Variants in UTS2 observed in about 807,000 individuals in gnomAD.
UTS2 encodes urotensin 2, also known as urotensin-2.
UTS2 carries 10 observed loss-of-function variants against 12.6 expected under a neutral mutation model. The observed-to-expected ratio is 0.80, with a 90% CI of 0.49 to 1.35. The LOEUF is 1.35. Among genes scored for constraint, UTS2 ranks in the 40% most tolerant of loss-of-function variants. The pLI, the probability that UTS2 is intolerant of heterozygous loss-of-function variation, is 0.00. For synonymous variants in UTS2, 52 were observed against 50.0 expected (o/e 1.04, Z -0.17); for missense variants, 142 against 143.2 (o/e 0.99, Z 0.04).
the UTS2 span, among the ~76,000 whole-genome samples, chr1:7,877,222 A>G: frequency 3.9e-5 from 6 of 152,020 alleles, no homozygotes; most frequent in Non-Finnish European, 8.8e-5. Flanking sequence ...AAGGAACACA[A>G]TAATTCTCCA....
chr1:7,912,726 C>A, the UTS2 span, among the ~76,000 whole-genome samples: 1 of 151,980 alleles, frequency 6.6e-6, no homozygotes, highest in African/African-American at 2.4e-5. Flanking sequence ...ACCTCATGTG[C>A]CCTCCACTGG....
At chr1:7,912,785 C>G in the UTS2 span, among the ~76,000 whole-genome samples, 1 of 152,086 alleles carries the variant, frequency 6.6e-6, no homozygotes, top group Non-Finnish European at 1.5e-5. Flanking sequence ...TCCTCCCTCC[C>G]CAAGCTCCAT....
At chr1:7,877,034 G>A in the UTS2 span, among the ~76,000 whole-genome samples, 1 of 150,140 alleles carries the variant, frequency 6.7e-6, no homozygotes, top group Non-Finnish European at 1.5e-5. Flanking sequence ...GGAGGCTGAG[G>A]CAGGAGAATT....
chr1:7,892,539 G>A, the UTS2 span, among the ~76,000 whole-genome samples: 4 of 139,246 alleles, frequency 2.9e-5, no homozygotes, highest in East Asian at 6.6e-4. Context: ...GTGCAGTGGC[G>A]CAATCTCAGC....
the UTS2 span, among the ~76,000 whole-genome samples, chr1:7,898,804 C>A: frequency 1.3e-5 from 2 of 152,040 alleles, no homozygotes; most frequent in Non-Finnish European, 2.9e-5. Flanking sequence ...AACCTAGATA[C>A]TTTCATCAGT....
At chr1:7,852,861 C>T (rs775628326) in intron 1 of UTS2, 40 bp downstream of exon 1, 1 of 1,577,404 alleles carries the variant, frequency 6.3e-7, no homozygotes, top group Non-Finnish European at 8.6e-7. Context: ...CTAGTAAAGG[C>T]TCTTTCAAGA....
the UTS2 span, among the ~76,000 whole-genome samples, chr1:7,892,652 T>A: frequency 6.6e-6 from 1 of 151,732 alleles, no homozygotes; most frequent in Admixed American, 6.6e-5. Context: ...CTAAGTTTTG[T>A]ATTTTTAGTA....
intron 3 of UTS2, among the ~76,000 whole-genome samples, chr1:7,848,493 A>G (rs1359592475): frequency 7.0e-6 from 1 of 142,194 alleles, no homozygotes; most frequent in Admixed American, 7.6e-5. Flanking sequence ...TCTTCTGTGT[A>G]TTGTATGTAT....
the UTS2 span, among the ~76,000 whole-genome samples, chr1:7,893,102 A>G: frequency 6.6e-6 from 1 of 152,308 alleles, no homozygotes; most frequent in South Asian, 2.1e-4. Context: ...ATAAAGTGAT[A>G]ATGAATGTTA....
chr1:7,903,642 G>A, the UTS2 span, among the ~76,000 whole-genome samples: 2 of 147,450 alleles, frequency 1.4e-5, no homozygotes, highest in African/African-American at 2.5e-5. Flanking sequence ...CTCCCACGTC[G>A]GCCTCTCAAA....
At chr1:7,876,947 T>C in the UTS2 span, among the ~76,000 whole-genome samples, 6 of 151,506 alleles carry the variant, frequency 4.0e-5, no homozygotes, top group African/African-American at 1.5e-4. Flanking sequence ...CTGGCCAACA[T>C]GGTGAAACTC....
At chr1:7,894,283 A>G in the UTS2 span, among the ~76,000 whole-genome samples, 1 of 151,736 alleles carries the variant, frequency 6.6e-6, no homozygotes, top group East Asian at 1.9e-4. Flanking sequence ...CCCAGGCTCA[A>G]GTGATGCTCC....
the UTS2 span, among the ~76,000 whole-genome samples, chr1:7,874,138 G>A: frequency 6.6e-6 from 1 of 152,122 alleles, no homozygotes; most frequent in Admixed American, 6.6e-5. Flanking sequence ...GCCCAGCCAG[G>A]ATCAGCTCAG....
chr1:7,897,327 G>C, the UTS2 span, among the ~76,000 whole-genome samples: 2 of 152,080 alleles, frequency 1.3e-5, no homozygotes, highest in Admixed American at 6.6e-5. Context: ...ATCTGGTAGG[G>C]AAAGTCCCTG....
the UTS2 span, among the ~76,000 whole-genome samples, chr1:7,886,045 T>TG: frequency 6.6e-6 from 1 of 152,088 alleles, no homozygotes; most frequent in Non-Finnish European, 1.5e-5. Context: ...ACCGCACCTG[T>TG]TCCCAGGTGT....
the UTS2 span, among the ~76,000 whole-genome samples, chr1:7,869,926 G>A: frequency 0.02 from 3,108 of 152,270 alleles, 89 homozygotes; most frequent in African/African-American, 0.071. Context: ...AACATTAATT[G>A]CTGCTGAGAG....
upstream of UTS2, among the ~76,000 whole-genome samples, chr1:7,855,511 G>C (rs1274158045): frequency 6.6e-6 from 1 of 152,102 alleles, no homozygotes; most frequent in African/African-American, 2.4e-5. Context: ...TTCAACCTGG[G>C]AGTCGGAGGT....
At chr1:7,899,799 G>C in the UTS2 span, among the ~76,000 whole-genome samples, 3 of 152,206 alleles carry the variant, frequency 2.0e-5, no homozygotes, top group Non-Finnish European at 4.4e-5. Context: ...GAGTCCAGGA[G>C]TGGCTGAGCT....
the UTS2 span, among the ~76,000 whole-genome samples, chr1:7,885,899 G>C: frequency 4.6e-3 from 425 of 92,614 alleles, 3 homozygotes; most frequent in African/African-American, 0.019. Flanking sequence ...TGGTGGTGGG[G>C]GGGTGGGGTG....
Sources: allele counts gnomAD v4.1 joint callset (sites outside exome capture counted in the v4.1 genomes callset), GRCh38; gene constraint gnomAD v4.1.1; transcripts MANE v1.5; gene names NCBI Gene and HGNC (gene_info 2026-07-23, HGNC 2026-07-21).